Variants in ADGRE5 observed in about 807,000 individuals in gnomAD.
The protein encoded by ADGRE5 is adhesion G protein-coupled receptor E5.
ADGRE5 carries 72 observed loss-of-function variants against 100.3 expected under a neutral mutation model. The ratio of observed to expected loss-of-function variants is 0.72; its 90% CI spans 0.59 to 0.87. The LOEUF is 0.87. ADGRE5 is among the 40% of genes least tolerant of loss of function. ADGRE5 has a pLI of 0.00. For synonymous variants in ADGRE5, 439 were observed against 447.8 expected, an observed-to-expected ratio of 0.98 and a Z score of 0.25; for missense variants, 959 against 1,094.7, an observed-to-expected ratio of 0.88 and a Z score of 1.75.
rs769799472 is a variant in ADGRE5 at position 14,402,852 on chromosome 19, C to T, written c.1439C>T (p.Pro480Leu). Residue 480 changes from proline (P) to leucine (L), a missense_variant, in exon 12 of 20, where the codon CCT (proline) becomes CTT (leucine). This residue lies in a region of ADGRE5 where 246 missense variants were observed against 242.2 expected (regional missense o/e 1.02). Coordinates refer to ENST00000242786, the MANE Select transcript of ADGRE5 (RefSeq NM_078481.4). ...TCCGATGGGGAGGCGGGAAGAGACC[C>T]TCCTGCCAAGGTCTCTGCTCACTCT... ...ESSDGEAGRD[P>L]PAKDVMPGPR... The T allele has an allele frequency of 6.2e-7, 1 of 1,613,754 alleles. No individual in the cohort carries two copies. Among genetic ancestry groups the T allele is most frequent in the African/African-American group, 1.3e-5 (1 of 74,884 alleles).
intron 9 of ADGRE5, among the ~76,000 whole-genome samples, chr19:14,400,729 T>C (rs559435308): frequency 1.3e-5 from 2 of 151,974 alleles, no homozygotes; most frequent in African/African-American, 4.8e-5. Flanking sequence ...AAGTCGGAGG[T>C]TGCAGTGAGC....
Position 14,401,297 on chromosome 19 carries a change from G to A in ADGRE5, c.898-89G>A. 2 of 1,126,670 alleles carry A rather than the reference G, an allele frequency of 1.8e-6. No homozygotes were observed. Among genetic ancestry groups the A allele is most frequent in the South Asian group, 1.5e-5 (1 of 66,536 alleles). 69.8% of individuals were successfully genotyped at this position (1,126,670 alleles called of 1,614,324 possible). On this transcript the variant is annotated intron_variant, in intron 9 of 19. Transcript: ENST00000242786. This position sits in a 1 kb window ranked among gnomAD's most constrained non-coding sequence, Gnocchi z 4.1. Reference sequence around the variant, plus strand: ...TCCCTTGTGCCTGTGGGTCTCCAGTGTGTCCCCTGGTAGGGGGTGACATCC... The same window carrying A: ...TCCCTTGTGCCTGTGGGTCTCCAGTATGTCCCCTGGTAGGGGGTGACATCC...
rs147029913 is a variant in ADGRE5 at position 14,390,973 on chromosome 19, G to A, written c.240G>A (p.Ser80=). The part of the protein sequence containing the change: ...TPSKVSCGKF[S]DCWNTEGSYD... ...CGAAAGTGTCATGCGGAAAATTCTC[G>A]GACTGCTGGAACACAGAGGGGAGCT... The change falls in exon 4 of 20, where the codon TCG becomes TCA. Residue 80 remains serine (S), a synonymous_variant. Transcript: ENST00000242786. 1.1e-5 allele frequency: 18 copies of A among 1,614,160 alleles called. No individual in the cohort carries two copies. In the African/African-American group the frequency reaches 1.7e-4, roughly 16 times the overall value.
Position 14,388,903 on chromosome 19 carries a change from G to A in ADGRE5, c.190+85G>A, listed in dbSNP as rs1975458881. 6 of 1,256,400 alleles carry A rather than the reference G, an allele frequency of 4.8e-6. No homozygotes were observed. In the South Asian group the frequency reaches 4.8e-5, roughly 10 times the overall value. The allele number at this position is 1,256,400 out of a possible 1,614,324, so 77.8% of individuals were successfully genotyped here. On this transcript the variant is annotated intron_variant, in intron 3 of 19. Coordinates refer to ENST00000242786, the MANE Select transcript of ADGRE5 (RefSeq NM_078481.4). The stretch of plus-strand genomic sequence containing the variant: ...GTGGGGGACAGAGGTTGTTGTGAGG[G>A]GCCACAGCCTTACCTTCCAGACTAT...
intron 1 of ADGRE5, among the ~76,000 whole-genome samples, chr19:14,387,381 G>T (rs1975396153): frequency 6.6e-6 from 1 of 152,024 alleles, no homozygotes; most frequent in South Asian, 2.1e-4. Context: ...GAGGCCAGGA[G>T]TTCAAGATCA....
chr19:14,400,994 C>A (rs535530363), intron 9 of ADGRE5, among the ~76,000 whole-genome samples: 1 of 151,874 alleles, frequency 6.6e-6, no homozygotes, highest in South Asian at 2.1e-4. Context: ...TGTGGTGGCA[C>A]GCTTCTGTAG....
In ADGRE5 at chr19:14,408,264, G is replaced by A; in HGVS notation, c.*143G>A. The stretch of plus-strand genomic sequence containing the variant: ...CGTGTGCCACCAGGAGGGAGTGGCA[G>A]CTATAGTCTGGCACCAAAGTCCAGG... On this transcript the variant is annotated 3_prime_UTR_variant, in exon 20 of 20. Coordinates refer to ENST00000242786, the MANE Select transcript of ADGRE5 (RefSeq NM_078481.4). The A allele has an allele frequency of 3.2e-6, 3 of 946,078 alleles. No homozygotes were observed. The highest frequency in any genetic ancestry group is 2.9e-5 in the South Asian group (2 of 69,728). 58.6% of individuals were successfully genotyped at this position (946,078 alleles called of 1,614,324 possible).
chr19:14,399,235 C>G (rs1443449876), intron 9 of ADGRE5, among the ~76,000 whole-genome samples: 1 of 151,730 alleles, frequency 6.6e-6, no homozygotes, highest in African/African-American at 2.4e-5. Flanking sequence ...AAGTAAGACT[C>G]AGAACAGTGC....
At chr19:14,385,495 C>G (rs183956993) in intron 1 of ADGRE5, among the ~76,000 whole-genome samples, 5 of 152,308 alleles carry the variant, frequency 3.3e-5, no homozygotes, top group Non-Finnish European at 7.3e-5. Flanking sequence ...GTCCCCATCT[C>G]TGAATCCCCT....
At chr19:14,388,022 G>C (rs1015752091) in intron 1 of ADGRE5, among the ~76,000 whole-genome samples, 6 of 152,040 alleles carry the variant, frequency 3.9e-5, no homozygotes, top group Admixed American at 3.9e-4. Context: ...ATTGCAGTGA[G>C]CCAAGATCAC....
chr19:14,407,872 C>T, intron 18 of ADGRE5, 36 bp from the exon 19 acceptor site: 1 of 1,574,412 alleles, frequency 6.4e-7, no homozygotes, highest in Non-Finnish European at 8.7e-7. Flanking sequence ...GGTCCCAGGG[C>T]CTGCTCCTGC....
At chr19:14,404,866 G>GTTTTT in intron 13 of ADGRE5, 2 of 243,972 alleles carry the variant, frequency 8.2e-6, no homozygotes, top group South Asian at 5.5e-5. Context: ...CCACTTGCCC[G>GTTTTT]TTTTTTTTTT....
chr19:14,400,174 C>T (rs1975953744), intron 9 of ADGRE5, among the ~76,000 whole-genome samples: 3 of 152,158 alleles, frequency 2.0e-5, no homozygotes, highest in Admixed American at 1.3e-4. Flanking sequence ...CGCCCACCAC[C>T]ACGCCCAGCT....
rs192430912 is a variant in ADGRE5 at position 14,403,105 on chromosome 19, C to T, written c.1449+243C>T. 2.4e-3 allele frequency among the ~76,000 whole-genome samples: 366 copies of T among 152,154 alleles called. 1 individual carries two copies. Among genetic ancestry groups the T allele is most frequent in the Middle Eastern group, 0.01 (3 of 294 alleles). On this transcript the variant is annotated intron_variant, in intron 12 of 19. Transcript: ENST00000242786. ...TCGTCCAGGCTGGAGTGCAGTGGCA[C>T]GTTCTCGGCTCACTGCAATCTCTGC...
Position 14,401,609 on chromosome 19 carries a change from C to G in ADGRE5, c.1076-44C>G. 3.1e-6 allele frequency: 5 copies of G among 1,603,132 alleles called. No homozygotes were observed. Among genetic ancestry groups the G allele is most frequent in the Non-Finnish European group, 4.3e-6 (5 of 1,172,560 alleles). On this transcript the variant is annotated intron_variant, in intron 10 of 19. Coordinates refer to ENST00000242786, the MANE Select transcript of ADGRE5 (RefSeq NM_078481.4). The surrounding 1 kb of genome is among the most constrained non-coding windows in gnomAD (Gnocchi z 4.1). ...GCCCTGCCCCAACCCTGGGCCCCAC[C>G]TGGTACCTGGGGTCCCTAATCACAA...
At chr19:14,393,167 C>T (rs1975660695) in intron 4 of ADGRE5, among the ~76,000 whole-genome samples, 1 of 151,030 alleles carries the variant, frequency 6.6e-6, no homozygotes, top group South Asian at 2.1e-4. Context: ...CGCCACTACA[C>T]TCCAGCCTGG....
rs764738376 is a variant in ADGRE5, at chr19:14,388,741, A to G, written c.113A>G (p.Asn38Ser). ...TGCCCTCAGAACTCCTCGTGTGTCAATGCCACCGCCTGTCGCTGCAATCCA... is the reference window on the plus strand; with the variant it reads ...TGCCCTCAGAACTCCTCGTGTGTCAGTGCCACCGCCTGTCGCTGCAATCCA... ...RWCPQNSSCV[N>S]ATACRCNPGF... Residue 38 changes from asparagine (N) to serine (S), a missense_variant, in exon 3 of 20, where the codon AAT (asparagine) becomes AGT (serine). Around this residue, in one of 6 missense-constraint regions of ADGRE5, gnomAD observed 114 missense variants for 195.7 expected, o/e 0.58. Transcript: ENST00000242786. 55 of 1,613,704 alleles carry G rather than the reference A, an allele frequency of 3.4e-5. No individual in the cohort carries two copies. The highest frequency in any genetic ancestry group is 2.5e-4 in the Admixed American group (15 of 59,976).
Position 14,396,423 on chromosome 19 carries a change from A to G in ADGRE5, c.428A>G (p.Gln143Arg). The change falls in exon 5 of 20, where the codon CAG (glutamine) becomes CGG (arginine). Residue 143 changes from glutamine to arginine, a missense_variant. This residue lies in a region of ADGRE5 where 114 missense variants were observed against 195.7 expected (regional missense o/e 0.58). Coordinates refer to ENST00000242786, the MANE Select transcript of ADGRE5 (RefSeq NM_078481.4). ...CVNTLGSYTC[Q>R]CLPGFKFIPE... is the part of the protein sequence containing the mutation. ...AACACCCTTGGCAGCTATACCTGCC[A>G]GTGCCTGCCTGGCTTCAAGTTCATA... is the stretch of plus-strand genomic sequence containing the variant. 1 of 1,614,304 alleles carries G rather than the reference A, an allele frequency of 6.2e-7. No homozygotes were observed. Among genetic ancestry groups the G allele is most frequent in the South Asian group, 1.1e-5 (1 of 91,088 alleles).
In ADGRE5 at chr19:14,393,094, T is replaced by G. The variant is rs144095743; in HGVS notation, c.346+2015T>G. Among the ~76,000 whole-genome samples the G allele has an allele frequency of 3.8e-3, 571 of 150,966 alleles. 1 individual carries two copies. The highest frequency in any genetic ancestry group is 5.3e-3 in the Non-Finnish European group (362 of 67,794). ...CCGGCATCTGTAGTCCCAGCTACTC[T>G]GGAGGCTGAGTCAGGAGAATGGCGT... On this transcript the variant is annotated intron_variant, in intron 4 of 19. Coordinates refer to ENST00000242786, the MANE Select transcript of ADGRE5 (RefSeq NM_078481.4).
Sources: allele counts gnomAD v4.1 joint callset (sites outside exome capture counted in the v4.1 genomes callset), GRCh38; gene constraint gnomAD v4.1.1; regional missense constraint gnomAD v4.1.1; non-coding constraint Gnocchi (gnomAD v3.1); transcripts MANE v1.5; gene names NCBI Gene and HGNC (gene_info 2026-07-23, HGNC 2026-07-21).